The following METTL15 variants were observed in gnomAD, a reference collection of about 807,000 sequenced individuals.
METTL15 encodes the protein methyltransferase 15, mitochondrial 12S rRNA N4-cytidine, also known as 12S rRNA N(4)-cytidine methyltransferase METTL15.
A neutral mutation model predicts 38.3 loss-of-function variants in METTL15; 34 were observed. That is an observed-to-expected ratio of 0.89 (90% CI 0.68 to 1.18). METTL15 has a LOEUF of 1.18. Among genes scored for constraint, METTL15 ranks in the 50% most tolerant of loss-of-function variants. METTL15 has a pLI of 0.00. For missense variants in METTL15, 438 were observed against 498.4 expected (o/e 0.88, Z 1.15); for synonymous variants, 162 against 170.9 (o/e 0.95, Z 0.41).
intron 4 of METTL15, chr11:28,287,155 A>AGTGTGTGTGT (rs1555024692): frequency 1.3e-5 from 1 of 74,422 alleles, no homozygotes; most frequent in South Asian, 2.5e-4. Context: ...AGAGAGAGAC[A>AGTGTGTGTGT]ATGTGTGTGT....
intron 6 of METTL15, among the ~76,000 whole-genome samples, chr11:28,482,241 A>C (rs1851401720): frequency 6.6e-6 from 1 of 152,176 alleles, no homozygotes; most frequent in Non-Finnish European, 1.5e-5. Flanking sequence ...ACTGGATAGG[A>C]GTTACCACTT....
At chr11:28,482,153 G>A (rs1417011991) in intron 6 of METTL15, among the ~76,000 whole-genome samples, 2 of 152,120 alleles carry the variant, frequency 1.3e-5, no homozygotes, top group Admixed American at 6.5e-5. Flanking sequence ...AGGCAAGTGG[G>A]GAAGCTGTCT....
intron 6 of METTL15, among the ~76,000 whole-genome samples, chr11:28,451,626 T>C (rs1043018693): frequency 2.0e-5 from 3 of 152,116 alleles, no homozygotes; most frequent in African/African-American, 7.2e-5. Flanking sequence ...GTGTGTATAT[T>C]AGTGAATGGA....
intron 6 of METTL15, among the ~76,000 whole-genome samples, chr11:28,518,259 G>T (rs1365245146): frequency 2.0e-5 from 3 of 152,180 alleles, no homozygotes; most frequent in Non-Finnish European, 4.4e-5. Context: ...ACATCTGGGT[G>T]GCACTGTGAG....
At chr11:28,401,028 A>AAT (rs1362783223) in intron 5 of METTL15, among the ~76,000 whole-genome samples, 1 of 152,006 alleles carries the variant, frequency 6.6e-6, no homozygotes, top group East Asian at 1.9e-4. Flanking sequence ...CTGTTTTAAA[A>AAT]ATAGCCAGCA....
At chr11:28,341,917 GC>G (rs1849956303) in intron 3 of METTL15, among the ~76,000 whole-genome samples, 1 of 151,994 alleles carries the variant, frequency 6.6e-6, no homozygotes, top group South Asian at 2.1e-4. Flanking sequence ...CAGTTAATTG[GC>G]CCAGGGGTAG....
chr11:28,197,633 A>G (rs1439080981), intron 3 of METTL15: 8 of 306,578 alleles, frequency 2.6e-5, no homozygotes, highest in Admixed American at 2.3e-4. Context: ...CTGAAGTCAC[A>G]TGTTTAAACA....
In METTL15 at chr11:28,392,806, A is replaced by C. The variant is rs555710214; in HGVS notation, c.*358+30770A>C. ...TATAAAGATCTACAACTGAACAAAA[A>C]CAAAAAAACAAATAACCAATTAAAA... On this transcript the variant is annotated intron_variant and NMD_transcript_variant, in intron 5 of 7. Transcript: ENST00000532947. Among the ~76,000 whole-genome samples, 657 of 152,234 alleles carry C rather than the reference A, an allele frequency of 4.3e-3. 7 individuals are homozygous for C. The highest frequency in any genetic ancestry group is 0.015 in the African/African-American group (624 of 41,572).
intron 6 of METTL15, among the ~76,000 whole-genome samples, chr11:28,444,620 A>G (rs964886928): frequency 6.6e-6 from 1 of 152,174 alleles, no homozygotes; most frequent in African/African-American, 2.4e-5. Flanking sequence ...ATCACTTACC[A>G]TTTTTGAGCC....
At chr11:28,209,361 A>G (rs1356860680) in intron 3 of METTL15, among the ~76,000 whole-genome samples, 1 of 152,048 alleles carries the variant, frequency 6.6e-6, no homozygotes. Context: ...AAATTTTCAA[A>G]TTGATGTAAT....
chr11:28,324,119 A>C (rs985032237), intron 6 of METTL15, among the ~76,000 whole-genome samples: 7 of 152,138 alleles, frequency 4.6e-5, no homozygotes, highest in Non-Finnish European at 7.4e-5. Context: ...TTACTAACAA[A>C]TTTTTCTATT....
chr11:28,201,102 A>G (rs1412826254), intron 3 of METTL15, among the ~76,000 whole-genome samples: 1 of 152,106 alleles, frequency 6.6e-6, no homozygotes, highest in East Asian at 1.9e-4. Context: ...CAGTTTATTG[A>G]GAGTTTTTAA....
At chr11:28,322,977 T>G (rs1254108146) in intron 6 of METTL15, among the ~76,000 whole-genome samples, 2 of 152,166 alleles carry the variant, frequency 1.3e-5, no homozygotes, top group African/African-American at 2.4e-5. Flanking sequence ...TTTTTAAAGA[T>G]AAGTAAACTA....
chr11:28,345,283 G>A (rs1849986783), intron 3 of METTL15, among the ~76,000 whole-genome samples: 2 of 152,140 alleles, frequency 1.3e-5, no homozygotes, highest in African/African-American at 4.8e-5. Context: ...CCACCTCCCA[G>A]GTTCAAGCGA....
chr11:28,373,459 G>C (rs1850268887), intron 5 of METTL15, among the ~76,000 whole-genome samples: 1 of 151,948 alleles, frequency 6.6e-6, no homozygotes, highest in Admixed American at 6.6e-5. Flanking sequence ...CCCACTTTTT[G>C]ATGGGGTTGT....
At chr11:28,389,985 A>G (rs1850485314) in intron 5 of METTL15, among the ~76,000 whole-genome samples, 1 of 152,150 alleles carries the variant, frequency 6.6e-6, no homozygotes, top group Admixed American at 6.6e-5. Context: ...ATGGCCAGTG[A>G]TGACGAGCAT....
chr11:28,310,009 A>C (rs1042519246), intron 6 of METTL15, among the ~76,000 whole-genome samples: 15 of 152,080 alleles, frequency 9.9e-5, no homozygotes, highest in Non-Finnish European at 2.9e-5. Flanking sequence ...TGGAGTTTCT[A>C]CCCAACCCAT....
chr11:28,500,055 A>T (rs990131869), intron 6 of METTL15, among the ~76,000 whole-genome samples: 14 of 146,334 alleles, frequency 9.6e-5, no homozygotes, highest in African/African-American at 3.6e-4. Context: ...GTGGGTCTGG[A>T]TGGGAGGAAA....
At chr11:28,488,559 T>C (rs925774860) in intron 6 of METTL15, among the ~76,000 whole-genome samples, 2 of 152,164 alleles carry the variant, frequency 1.3e-5, no homozygotes, top group African/African-American at 4.8e-5. Context: ...TGACGCTACA[T>C]TGCTTATCCT....
Sources: gnomAD v4.1 joint callset for allele counts (sites outside exome capture counted in the v4.1 genomes callset) on GRCh38, gnomAD v4.1.1 for gene constraint, MANE v1.5 for transcripts, NCBI Gene and HGNC (gene_info 2026-07-23, HGNC 2026-07-21) for gene names.